The following KMT2C variants were observed in gnomAD, a reference collection of about 807,000 sequenced individuals.
KMT2C encodes lysine methyltransferase 2C.
KMT2C carries 88 observed loss-of-function variants against 507.9 expected under a neutral mutation model. The ratio of observed to expected loss-of-function variants is 0.17; its 90% CI spans 0.15 to 0.21. The LOEUF (loss-of-function observed/expected upper bound fraction) is 0.21. Among genes scored for constraint, KMT2C ranks in the 10% least tolerant of loss-of-function variants. The probability of loss-of-function intolerance (pLI) is 1.00; values close to 1 mark genes in which losing one functional copy is unlikely to be tolerated. For missense variants in KMT2C, 4,954 were observed against 5,957.8 expected, an observed-to-expected ratio of 0.83 and a Z score of 5.55; for synonymous variants, 2,049 against 2,080.8, an observed-to-expected ratio of 0.98 and a Z score of 0.42.
At chr7:152,355,922 G>A (rs148085645) in intron 2 of KMT2C, among the ~76,000 whole-genome samples, 4 of 152,228 alleles carry the variant, frequency 2.6e-5, no homozygotes, top group African/African-American at 9.6e-5. Flanking sequence ...TGATTCTGCA[G>A]CACCCCCCTT....
chr7:152,410,919 A>G (rs1285669201), intron 1 of KMT2C, among the ~76,000 whole-genome samples: 24 of 151,666 alleles, frequency 1.6e-4, no homozygotes, highest in Non-Finnish European at 3.5e-4. Context: ...TGGAAGGATC[A>G]CTGGGGTTGG....
chr7:152,362,479 C>A (rs1319358725), intron 1 of KMT2C, among the ~76,000 whole-genome samples: 1 of 152,072 alleles, frequency 6.6e-6, no homozygotes, highest in Non-Finnish European at 1.5e-5. Context: ...GAAACAATCC[C>A]AACATGGCTG....
chr7:152,294,095 T>C (rs1241842979), intron 6 of KMT2C, among the ~76,000 whole-genome samples: 1 of 151,470 alleles, frequency 6.6e-6, no homozygotes, highest in African/African-American at 2.4e-5. Context: ...GGTCTCGAAC[T>C]TGTAGCTCAA....
rs756467612 is a variant in KMT2C, at chr7:152,194,265, GAATA to G, written c.4508-8_4508-5del. ...TATAATTTTCCAAGAATTGCTCCTA[GAATA>G]AATTAAAAAAAAAAAAGAAACATTA... On this transcript the variant is annotated splice_polypyrimidine_tract_variant and splice_region_variant and intron_variant, in intron 29 of 58. Transcript: ENST00000262189. 3 of 1,442,788 alleles carry G rather than the reference GAATA, an allele frequency of 2.1e-6. No homozygotes were observed. Among genetic ancestry groups the G allele is most frequent in the Non-Finnish European group, 2.8e-6 (3 of 1,062,892 alleles). The allele number at this position is 1,442,788 out of a possible 1,614,324, so 89.4% of individuals were successfully genotyped here. A position where few individuals can be genotyped will look rare whatever the true frequency, so the allele number is the denominator to read the frequency against.
chr7:152,332,515 A>G (rs1369136566), intron 2 of KMT2C, among the ~76,000 whole-genome samples: 1 of 152,090 alleles, frequency 6.6e-6, no homozygotes, highest in Non-Finnish European at 1.5e-5. Context: ...TTCCCCTTCA[A>G]CTATACCTTT....
intron 6 of KMT2C, among the ~76,000 whole-genome samples, chr7:152,277,014 A>C (rs2096094185): frequency 6.6e-6 from 1 of 152,182 alleles, no homozygotes; most frequent in Non-Finnish European, 1.5e-5. Context: ...AATTTTCAAG[A>C]CTTTTATTTA....
At chr7:152,178,426 C>T (rs1377855889) in intron 37 of KMT2C, among the ~76,000 whole-genome samples, 1 of 152,138 alleles carries the variant, frequency 6.6e-6, no homozygotes, top group Non-Finnish European at 1.5e-5. Context: ...GATAGGTCTT[C>T]ATACCTATTG....
At chr7:152,261,822 A>C (rs1320197015) in intron 9 of KMT2C, among the ~76,000 whole-genome samples, 4 of 152,154 alleles carry the variant, frequency 2.6e-5, no homozygotes, top group Non-Finnish European at 5.9e-5. Flanking sequence ...CAAATAGCAG[A>C]GTTTTTCCTT....
At chr7:152,380,248 A>C (rs999355505) in intron 1 of KMT2C, among the ~76,000 whole-genome samples, 2 of 139,662 alleles carry the variant, frequency 1.4e-5, no homozygotes, top group Admixed American at 1.5e-4. Flanking sequence ...TCCAAAAAAA[A>C]AAACAAAACA....
Position 152,384,548 on chromosome 7 carries a change from ACACCACCACCACCAC to A in KMT2C, c.162-25888_162-25874del, listed in dbSNP as rs71198780. ...TGCTATATTATCCCCCATGTGCATA[ACACCACCACCACCAC>A]CACCACCACCACCACCACCACCACC... On this transcript the variant is annotated intron_variant, in intron 1 of 58. Transcript: ENST00000262189. Among the ~76,000 whole-genome samples, 207 of 62,224 alleles carry A rather than the reference ACACCACCACCACCAC, an allele frequency of 3.3e-3. 2 individuals are homozygous for A. Among genetic ancestry groups the A allele is most frequent in the South Asian group, 0.013 (19 of 1,484 alleles). The allele number at this position is 62,224 out of a possible 152,430, so 40.8% of individuals were successfully genotyped here. A position where few individuals can be genotyped will look rare whatever the true frequency, so the allele number is the denominator to read the frequency against.
chr7:152,319,615 G>A (rs2096753337), intron 3 of KMT2C, among the ~76,000 whole-genome samples: 3 of 151,994 alleles, frequency 2.0e-5, no homozygotes, highest in Non-Finnish European at 4.4e-5. Flanking sequence ...TCCACCTCTT[G>A]TGGAGGGCCT....
Position 152,375,756 on chromosome 7 carries a change from T to C in KMT2C, c.162-17081A>G, listed in dbSNP as rs147540665. On this transcript the variant is annotated intron_variant, in intron 1 of 58. Transcript: ENST00000262189. Reference sequence around the variant, plus strand: ...GTGTCTCTGTGTTACGTTTTAGTAATCCTCAAAGTATTTTGAACTTTTTCA... The same window carrying C: ...GTGTCTCTGTGTTACGTTTTAGTAACCCTCAAAGTATTTTGAACTTTTTCA... Among the ~76,000 whole-genome samples the C allele has an allele frequency of 9.9e-5, 15 of 152,270 alleles. No homozygotes were observed. The East Asian group carries it at 2.5e-3, about 25-fold the overall frequency.
chr7:152,179,284 C>T (rs1383081705), intron 37 of KMT2C, among the ~76,000 whole-genome samples: 2 of 152,262 alleles, frequency 1.3e-5, no homozygotes, highest in Non-Finnish European at 2.9e-5. Context: ...GCCTGAGCCA[C>T]TGCGCCCAGC....
intron 1 of KMT2C, among the ~76,000 whole-genome samples, chr7:152,398,655 C>T (rs909925186): frequency 1.3e-5 from 2 of 150,594 alleles, no homozygotes; most frequent in African/African-American, 4.9e-5. Flanking sequence ...CTACCTCGGC[C>T]TTCCCAAGTA....
intron 1 of KMT2C, among the ~76,000 whole-genome samples, chr7:152,378,685 T>A (rs2097347677): frequency 6.6e-6 from 1 of 152,224 alleles, no homozygotes; most frequent in Admixed American, 6.5e-5. Context: ...TATATCTGCA[T>A]ATACCCAGGT....
In KMT2C at chr7:152,167,135, C is replaced by CTATT; in HGVS notation, c.9750+7_9750+10dup. ...TGTTGGTAGTTTCTATTTTGCAAAC[C>CTATT]TATTTATTACCTGTTCTAGCTGTTT... is the stretch of plus-strand genomic sequence containing the variant. On this transcript the variant is annotated intron_variant, in intron 42 of 58. Coordinates refer to ENST00000262189, the MANE Select transcript of KMT2C (RefSeq NM_170606.3). 1.2e-6 allele frequency: 2 copies of CTATT among 1,603,956 alleles called. No individual in the cohort carries two copies. Among genetic ancestry groups the CTATT allele is most frequent in the Non-Finnish European group, 1.7e-6 (2 of 1,171,594 alleles).
chr7:152,195,895 A>T lies in KMT2C; in HGVS notation c.4378+12T>A. The T allele has an allele frequency of 7.0e-7, 1 of 1,432,750 alleles. No individual in the cohort carries two copies. The highest frequency in any genetic ancestry group is 1.2e-5 in the South Asian group (1 of 85,044). The allele number at this position is 1,432,750 out of a possible 1,614,324, so 88.8% of individuals were successfully genotyped here. On this transcript the variant is annotated intron_variant, in intron 28 of 58. Transcript: ENST00000262189. ...AGAAACCAGAAAAAGGGTAAACAGTATTCATATATACCTGAATGATCAACT... is the reference window on the plus strand; with the variant it reads ...AGAAACCAGAAAAAGGGTAAACAGTTTTCATATATACCTGAATGATCAACT...
intron 51 of KMT2C, 53 bp from the exon 52 acceptor site, chr7:152,149,205 A>T: frequency 6.9e-7 from 1 of 1,444,058 alleles, no homozygotes; most frequent in South Asian, 1.7e-5. Flanking sequence ...AAGCCCGGAA[A>T]GCAATTCTTG....
At chr7:152,245,910 A>G (rs2095464447) in intron 14 of KMT2C, among the ~76,000 whole-genome samples, 2 of 152,206 alleles carry the variant, frequency 1.3e-5, no homozygotes, top group African/African-American at 4.8e-5. Context: ...TCTTGCTTAC[A>G]TCACAATCAC....
Sources: allele counts gnomAD v4.1 joint callset (sites outside exome capture counted in the v4.1 genomes callset), GRCh38; gene constraint gnomAD v4.1.1; transcripts MANE v1.5; gene names NCBI Gene and HGNC (gene_info 2026-07-23, HGNC 2026-07-21).